The following AGBL4 variants were observed in gnomAD, a reference collection of about 807,000 sequenced individuals.
The protein encoded by AGBL4 is cytosolic carboxypeptidase 6.
In AGBL4, 58 loss-of-function variants were observed where a neutral mutation model predicts 66.4. The ratio of observed to expected loss-of-function variants is 0.87; its 90% CI spans 0.71 to 1.09. The LOEUF is 1.09. AGBL4 is among the 50% of genes least tolerant of loss of function. The pLI, the probability that AGBL4 is intolerant of heterozygous loss-of-function variation, is 0.00. For synonymous variants in AGBL4, 234 were observed against 222.9 expected (o/e 1.05, Z -0.44); for missense variants, 579 against 631.0 (o/e 0.92, Z 0.88).
intron 5 of AGBL4, among the ~76,000 whole-genome samples, chr1:49,027,394 C>G (rs1663797698): frequency 1.3e-5 from 2 of 152,086 alleles, no homozygotes; most frequent in Non-Finnish European, 2.9e-5. Flanking sequence ...AACTCCTGAC[C>G]TCAGGTGATC....
chr1:49,254,528 T>G (rs1044084101), intron 3 of AGBL4, among the ~76,000 whole-genome samples: 1 of 152,106 alleles, frequency 6.6e-6, no homozygotes, highest in Non-Finnish European at 1.5e-5. Context: ...CATGAACAAA[T>G]TGAAAAACAT....
chr1:49,727,349 G>T lies in AGBL4; in HGVS notation c.158-29912C>A, dbSNP rs141040152. 6.8e-3 allele frequency among the ~76,000 whole-genome samples: 1,038 copies of T among 152,014 alleles called. 9 individuals carry two copies. Among genetic ancestry groups the T allele is most frequent in the African/African-American group, 0.023 (937 of 41,492 alleles). ...TCCACAAGACTGGGATATATATATA[G>T]AGAGAAAAAGTGCATAACAATAGCA... On this transcript the variant is annotated intron_variant, in intron 2 of 13. Coordinates refer to ENST00000371839, the MANE Select transcript of AGBL4 (RefSeq NM_032785.4).
In AGBL4 at chr1:48,596,664, G is replaced by C. The variant is rs536086107; in HGVS notation, c.952-5679C>G. On this transcript the variant is annotated intron_variant, in intron 9 of 13. Transcript: ENST00000371839. ...TTTGCTATATTGCCCAGTATAGTCT[G>C]GAACTCCTGGGCTCAAGCAATTCTC... is the stretch of plus-strand genomic sequence containing the variant. Among the ~76,000 whole-genome samples, 34 of 152,134 alleles carry C rather than the reference G, an allele frequency of 2.2e-4. 1 individual carries two copies. The highest frequency in any genetic ancestry group is 7.5e-4 in the African/African-American group (31 of 41,532).
intron 9 of AGBL4, among the ~76,000 whole-genome samples, chr1:48,618,215 G>A (rs975956503): frequency 3.9e-5 from 6 of 152,092 alleles, no homozygotes; most frequent in South Asian, 2.1e-4. Flanking sequence ...AAAACAAAAC[G>A]AAACAAAACA....
Position 49,795,729 on chromosome 1 carries a change from T to A in AGBL4, c.157+55667A>T, listed in dbSNP as rs557216472. Among the ~76,000 whole-genome samples, 4 of 152,046 alleles carry A rather than the reference T, an allele frequency of 2.6e-5. No homozygotes were observed. In the South Asian group the frequency reaches 8.3e-4, roughly 31 times the overall value. On this transcript the variant is annotated intron_variant, in intron 2 of 13. Transcript: ENST00000371839. ...GTAAAGAGATAAATTTTTCAATAAATAATTGATAAAAACAGCTATTCAGAA... is the reference window on the plus strand; with the variant it reads ...GTAAAGAGATAAATTTTTCAATAAAAAATTGATAAAAACAGCTATTCAGAA...
At chr1:49,522,435 C>G (rs771999758) in intron 3 of AGBL4, among the ~76,000 whole-genome samples, 1 of 152,088 alleles carries the variant, frequency 6.6e-6, no homozygotes, top group Non-Finnish European at 1.5e-5. Flanking sequence ...TTTTTCCACA[C>G]ACATTTTTCC....
intron 12 of AGBL4, among the ~76,000 whole-genome samples, chr1:48,536,343 G>C (rs146929035): frequency 6.6e-6 from 1 of 152,268 alleles, no homozygotes; most frequent in East Asian, 1.9e-4. Context: ...AGGGGTGGTA[G>C]AAAGCAGTAA....
intron 4 of AGBL4, among the ~76,000 whole-genome samples, chr1:49,153,027 T>C (rs530990170): frequency 6.6e-6 from 1 of 150,592 alleles, no homozygotes; most frequent in South Asian, 2.1e-4. Flanking sequence ...AGGGGAGAGG[T>C]GGGAAGGAAG....
At chr1:49,746,688 C>T (rs186862061) in intron 2 of AGBL4, among the ~76,000 whole-genome samples, 3 of 152,026 alleles carry the variant, frequency 2.0e-5, no homozygotes, top group Non-Finnish European at 4.4e-5. Context: ...CTAGGTAAGC[C>T]AATGGCTAAT....
chr1:48,944,688 C>G (rs1354956725), intron 5 of AGBL4, among the ~76,000 whole-genome samples: 1 of 152,178 alleles, frequency 6.6e-6, no homozygotes, highest in Non-Finnish European at 1.5e-5. Context: ...CCCCCCGCAA[C>G]CCTTCTCCTA....
chr1:49,183,398 G>A (rs186176698), intron 4 of AGBL4, among the ~76,000 whole-genome samples: 90 of 152,150 alleles, frequency 5.9e-4, no homozygotes, highest in Admixed American at 9.8e-4. Context: ...GGGAATTACC[G>A]TAGCAATTGG....
chr1:49,315,350 T>A (rs958772256), intron 3 of AGBL4, among the ~76,000 whole-genome samples: 19 of 152,002 alleles, frequency 1.2e-4, no homozygotes, highest in Non-Finnish European at 1.5e-5. Flanking sequence ...ACTTCATGAA[T>A]AAAACACCAA....
At chr1:49,822,636 T>C (rs1645400704) in intron 2 of AGBL4, among the ~76,000 whole-genome samples, 1 of 152,164 alleles carries the variant, frequency 6.6e-6, no homozygotes, top group Non-Finnish European at 1.5e-5. Context: ...TGTCCTCCAA[T>C]CCACATTGAT....
chr1:50,016,999 C>T (rs998146091), intron 1 of AGBL4: 1 of 152,054 alleles, frequency 6.6e-6, no homozygotes, highest in Non-Finnish European at 1.5e-5. Context: ...ACGTTCATCG[C>T]CACACTATTC....
intron 3 of AGBL4, among the ~76,000 whole-genome samples, chr1:49,462,428 G>A (rs1445024991): frequency 1.3e-5 from 2 of 151,608 alleles, no homozygotes; most frequent in Non-Finnish European, 3.0e-5. Context: ...ATGAAATACA[G>A]ACCAGCTGAC....
intron 3 of AGBL4, among the ~76,000 whole-genome samples, chr1:49,389,677 T>C (rs140075468): frequency 6.6e-6 from 1 of 152,232 alleles, no homozygotes; most frequent in Non-Finnish European, 1.5e-5. Context: ...ACAGACTTCT[T>C]GAATTGAGAG....
At chr1:49,379,090 T>A (rs1050292261) in intron 3 of AGBL4, among the ~76,000 whole-genome samples, 1 of 152,092 alleles carries the variant, frequency 6.6e-6, no homozygotes, top group Non-Finnish European at 1.5e-5. Context: ...TATGCCCTAG[T>A]ATAGTGTGGA....
At chr1:49,179,857 G>T (rs1262379691) in intron 4 of AGBL4, among the ~76,000 whole-genome samples, 1 of 152,106 alleles carries the variant, frequency 6.6e-6, no homozygotes, top group Non-Finnish European at 1.5e-5. Context: ...TCCTCCTGCT[G>T]TATGACCTTC....
intron 3 of AGBL4, among the ~76,000 whole-genome samples, chr1:49,639,133 T>C (rs1645732419): frequency 6.6e-6 from 1 of 152,112 alleles, no homozygotes; most frequent in Admixed American, 6.6e-5. Context: ...CCTGTGAAGA[T>C]ACCTCGGCAC....
Sources: allele counts gnomAD v4.1 joint callset (sites outside exome capture counted in the v4.1 genomes callset), GRCh38; gene constraint gnomAD v4.1.1; transcripts MANE v1.5; gene names NCBI Gene and HGNC (gene_info 2026-07-23, HGNC 2026-07-21).